The following NCOA4 variants were observed in gnomAD, a reference collection of about 807,000 sequenced individuals.
NCOA4 encodes the protein 70 kDa AR-activator.
Under a neutral mutation model 69.5 loss-of-function variants are expected in NCOA4, and 31 were observed. The ratio of observed to expected loss-of-function variants is 0.45; its 90% CI spans 0.34 to 0.60. The LOEUF (loss-of-function observed/expected upper bound fraction) is 0.60, where lower values mean the gene tolerates loss of function less well. Among genes scored for constraint, NCOA4 ranks in the 20% least tolerant of loss-of-function variants. NCOA4 has a pLI of 0.02. For missense variants in NCOA4, 600 were observed against 719.2 expected, an observed-to-expected ratio of 0.83 and a Z score of 1.90; for synonymous variants, 228 against 252.4, an observed-to-expected ratio of 0.90 and a Z score of 0.92.
chr10:46,008,569 G>A (rs1241449908), intron 9 of NCOA4, among the ~76,000 whole-genome samples: 1 of 152,194 alleles, frequency 6.6e-6, no homozygotes. Flanking sequence ...TTACGGATGA[G>A]CAAAGAAAGT....
chr10:46,018,998 A>G (rs1839719628), intron 1 of NCOA4, among the ~76,000 whole-genome samples: 1 of 152,236 alleles, frequency 6.6e-6, no homozygotes, highest in South Asian at 2.1e-4. Context: ...TGGGAAGAGC[A>G]GCAAAACAAA....
chr10:46,024,250 A>G lies in NCOA4; in HGVS notation c.-15+6276T>C, dbSNP rs144917233. 3.3e-4 allele frequency among the ~76,000 whole-genome samples: 51 copies of G among 152,378 alleles called. 1 individual carries two copies. In the East Asian group the frequency reaches 8.1e-3, roughly 24 times the overall value. ...AAAACAGACATACTTCTGAATGACT[A>G]AAGTTACAATTTTATGGTCCTTTGT... On this transcript the variant is annotated intron_variant, in intron 1 of 9. Transcript: ENST00000581486.
chr10:46,014,103 T>G (rs949485155), intron 5 of NCOA4, among the ~76,000 whole-genome samples: 2 of 152,112 alleles, frequency 1.3e-5, no homozygotes, highest in African/African-American at 2.4e-5. Context: ...CTCAGGTCAC[T>G]GCAACCTCCG....
intron 1 of NCOA4, among the ~76,000 whole-genome samples, chr10:46,017,892 G>A (rs1839660036): frequency 6.6e-6 from 1 of 152,198 alleles, no homozygotes; most frequent in Non-Finnish European, 1.5e-5. Flanking sequence ...GAAAATGACA[G>A]CAGTGATTAC....
intron 1 of NCOA4, chr10:46,019,190 T>C (rs1184260947): frequency 3.3e-6 from 1 of 306,628 alleles, no homozygotes; most frequent in Non-Finnish European, 4.8e-6. Flanking sequence ...GAAATCCCTG[T>C]GGAAATTTTT....
rs1323384408 is a variant in NCOA4, at chr10:46,015,281, C to T, written c.142-15G>A. ...TGAGCTTTGACCTAGGAAACACATA[C>T]ATGTTAGCTTCCTAGTGTTAATCCC... On this transcript the variant is annotated splice_polypyrimidine_tract_variant and intron_variant, in intron 2 of 9. Coordinates refer to ENST00000581486, the MANE Select transcript of NCOA4 (RefSeq NM_001145263.2). 3.2e-6 allele frequency: 5 copies of T among 1,544,730 alleles called. No individual in the cohort carries two copies. The South Asian group carries it at 3.3e-5, about 10-fold the overall frequency.
At chr10:46,019,857 G>C (rs1420268620) in intron 1 of NCOA4, among the ~76,000 whole-genome samples, 2 of 152,192 alleles carry the variant, frequency 1.3e-5, no homozygotes, top group African/African-American at 4.8e-5. Context: ...GAACTCATCT[G>C]TCAGCCACGA....
At chr10:46,027,614 C>T in intron 1 of NCOA4, 1 of 763,392 alleles carries the variant, frequency 1.3e-6, no homozygotes, top group Non-Finnish European at 2.1e-6. Context: ...TAAAAAATGC[C>T]ATGGCCTTCT....
At chr10:46,024,033 G>C (rs1296310292) in intron 1 of NCOA4, among the ~76,000 whole-genome samples, 1 of 152,188 alleles carries the variant, frequency 6.6e-6, no homozygotes. Flanking sequence ...CACCAAAGGG[G>C]AACACTAAGG....
rs782436505 is a variant in NCOA4, at chr10:46,013,045, G to A, written c.571-19C>T. On this transcript the variant is annotated intron_variant, in intron 6 of 9. Transcript: ENST00000581486. ...CTGACTTCTGTTAATCACAAAACAA[G>A]GAATGTCAAATGCAGTAGAAAGTTC... is the stretch of plus-strand genomic sequence containing the variant. The A allele has an allele frequency of 6.2e-7, 1 of 1,612,736 alleles. No individual in the cohort carries two copies. Among genetic ancestry groups the A allele is most frequent in the South Asian group, 1.1e-5 (1 of 90,990 alleles).
intron 9 of NCOA4, among the ~76,000 whole-genome samples, chr10:46,008,013 A>T (rs1838956082): frequency 6.6e-6 from 1 of 152,194 alleles, no homozygotes. Flanking sequence ...TGTTCACAGC[A>T]TGGTTTACTG....
chr10:46,022,422 C>T (rs1554924583), intron 1 of NCOA4: 1 of 455,032 alleles, frequency 2.2e-6, no homozygotes, highest in Non-Finnish European at 4.5e-6. Context: ...ACTTTTTTCA[C>T]TTCACACGTT....
chr10:46,011,290 GAC>G, intron 7 of NCOA4, 84 bp from the exon 8 acceptor site: 1 of 1,383,776 alleles, frequency 7.2e-7, no homozygotes, highest in Non-Finnish European at 9.8e-7. Flanking sequence ...CTTTTTTTGA[GAC>G]AGTCTCACTC....
chr10:46,012,508 A>T (rs1554921943), intron 7 of NCOA4, among the ~76,000 whole-genome samples: 1 of 152,162 alleles, frequency 6.6e-6, no homozygotes, highest in African/African-American at 2.4e-5. Context: ...TAAATGACAG[A>T]GAAATATGTT....
intron 1 of NCOA4, chr10:46,027,459 C>A (rs1554925732): frequency 4.5e-6 from 7 of 1,551,178 alleles, no homozygotes; most frequent in South Asian, 3.6e-5. Flanking sequence ...GTCAACTGGG[C>A]CCCCATTCCA....
intron 9 of NCOA4, among the ~76,000 whole-genome samples, 166 bp from the exon 10 acceptor site, chr10:46,006,763 T>C (rs147426016): frequency 3.0e-4 from 45 of 152,322 alleles, no homozygotes; most frequent in African/African-American, 1.1e-3. Flanking sequence ...TTAAAGATGG[T>C]AAACTTTTCA....
At position 46,006,369 on chromosome 10, in the gene NCOA4, A is replaced by G. The variant is rs113983044; in HGVS notation, c.*223T>C. 8.9e-3 allele frequency: 4,791 copies of G among 536,320 alleles called. 41 individuals are homozygous for G. Among genetic ancestry groups the G allele is most frequent in the Middle Eastern group, 0.028 (55 of 1,998 alleles). 33.2% of individuals were successfully genotyped at this position (536,320 alleles called of 1,614,324 possible). ...GGGTGAATTAAAATACTTCTGTAAG[A>G]AGGAGGGAACTGAATCACCTCAGCA... On this transcript the variant is annotated 3_prime_UTR_variant, in exon 10 of 10. Coordinates refer to ENST00000581486, the MANE Select transcript of NCOA4 (RefSeq NM_001145263.2).
chr10:46,014,180 A>C (rs538076486), intron 5 of NCOA4, among the ~76,000 whole-genome samples: 2 of 151,980 alleles, frequency 1.3e-5, no homozygotes, highest in South Asian at 4.2e-4. Context: ...GCGCCCAGCT[A>C]ATTTTTTTGT....
At position 46,005,931 on chromosome 10, in the gene NCOA4, G is replaced by C. The variant is rs1402561861; in HGVS notation, c.*661C>G. On this transcript the variant is annotated 3_prime_UTR_variant, in exon 10 of 10. Coordinates refer to ENST00000581486, the MANE Select transcript of NCOA4 (RefSeq NM_001145263.2). ...CTGAGTCCTTCTAAAGAGCTCACTG[G>C]ATATTTTAATAACATTTACAGAAAG... is the stretch of plus-strand genomic sequence containing the variant. 1 of 206,802 alleles carries C rather than the reference G, an allele frequency of 4.8e-6. No individual in the cohort carries two copies. The highest frequency in any genetic ancestry group is 9.9e-6 in the Non-Finnish European group (1 of 101,422). 12.8% of individuals were successfully genotyped at this position (206,802 alleles called of 1,614,324 possible).
Sources: allele counts gnomAD v4.1 joint callset (sites outside exome capture counted in the v4.1 genomes callset), GRCh38; gene constraint gnomAD v4.1.1; transcripts MANE v1.5; gene names NCBI Gene and HGNC (gene_info 2026-07-23, HGNC 2026-07-21).